Variants in TACC2 observed in about 807,000 individuals in gnomAD.
TACC2 encodes transforming acidic coiled-coil containing protein 2.
In TACC2, 137 loss-of-function variants were observed where a neutral mutation model predicts 227.3. The ratio of observed to expected loss-of-function variants is 0.60; its 90% CI spans 0.52 to 0.69. The LOEUF is 0.69. TACC2 is among the 30% of genes least tolerant of loss of function. The pLI, the probability that TACC2 is intolerant of heterozygous loss-of-function variation, is 0.00. For synonymous variants in TACC2, 1,523 were observed against 1,487.5 expected (o/e 1.02, Z -0.55); for missense variants, 3,470 against 3,694.4 (o/e 0.94, Z 1.57).
intron 2 of TACC2, among the ~76,000 whole-genome samples, chr10:122,034,109 G>A (rs1041353867): frequency 2.0e-4 from 29 of 144,222 alleles, no homozygotes; most frequent in African/African-American, 6.0e-4. Context: ...CCGAGACTGT[G>A]CCACTGCACT....
rs1433020020 is a variant in TACC2 at position 122,083,367 on chromosome 10, A to G, written c.867A>G (p.Glu289=). ...QDPAPRASDR[E]RGQGEAPPQY... is the part of the protein sequence containing the mutation. ...CAGCCCCAAGAGCCTCAGACAGAGAAAGAGGCCAAGGGGAGGCGCCGCCTC... is the reference window on the plus strand; with the variant it reads ...CAGCCCCAAGAGCCTCAGACAGAGAGAGAGGCCAAGGGGAGGCGCCGCCTC... The change falls in exon 4 of 23, where the codon GAA becomes GAG. Residue 289 remains glutamate, a synonymous_variant. Coordinates refer to ENST00000369005, the MANE Select transcript of TACC2 (RefSeq NM_206862.4). The G allele has an allele frequency of 1.2e-6, 2 of 1,613,934 alleles. No homozygotes were observed. The highest frequency in any genetic ancestry group is 2.2e-5 in the East Asian group (1 of 44,862).
Position 122,084,931 on chromosome 10 carries a change from G to A in TACC2, c.2431G>A (p.Glu811Lys). ...GCAGGGAATCCCATCCTGCCCAGGG[G>A]AAGGCTGGATAAGAGGAGCTGCATC... ...DQQGIPSCPG[E>K]GWIRGAASEW... The change falls in exon 4 of 23, where the codon GAA becomes AAA. Residue 811 changes from glutamate (E) to lysine (K), a missense_variant. Transcript: ENST00000369005. 1 of 1,614,150 alleles carries A rather than the reference G, an allele frequency of 6.2e-7. No individual in the cohort carries two copies.
chr10:122,077,542 T>G (rs2078953841), intron 3 of TACC2, among the ~76,000 whole-genome samples: 1 of 152,130 alleles, frequency 6.6e-6, no homozygotes, highest in Non-Finnish European at 1.5e-5. Flanking sequence ...GGGAGCTTCA[T>G]GCGGAATGAG....
At chr10:122,132,066 A>AAGAAAGAAAAAG (rs1555059146) in intron 5 of TACC2, among the ~76,000 whole-genome samples, 1 of 58,250 alleles carries the variant, frequency 1.7e-5, no homozygotes, top group African/African-American at 6.9e-5. Context: ...GAAAGAAAGA[A>AAGAAAGAAAAAG]AAAGAAAGAA....
chr10:122,154,702 A>G lies in TACC2; in HGVS notation c.5834+10996A>G, dbSNP rs114642190. On this transcript the variant is annotated intron_variant, in intron 7 of 22. Transcript: ENST00000369005. The stretch of plus-strand genomic sequence containing the variant: ...ATATTAATTGCAGCTGGCCACAGTT[A>G]GGCAGGGTGTAGAGGGAATTATACA... Among the ~76,000 whole-genome samples the G allele has an allele frequency of 2.4e-3, 363 of 152,358 alleles. 2 individuals carry two copies. Among genetic ancestry groups the G allele is most frequent in the African/African-American group, 7.1e-3 (294 of 41,584 alleles).
chr10:122,250,151 T>G (rs761336078), intron 22 of TACC2, among the ~76,000 whole-genome samples: 12 of 152,184 alleles, frequency 7.9e-5, no homozygotes, highest in Non-Finnish European at 1.3e-4. Flanking sequence ...TGCGCAGGTT[T>G]CCTCCTTTTG....
chr10:122,065,066 T>C (rs776760807), intron 3 of TACC2, among the ~76,000 whole-genome samples: 1 of 152,226 alleles, frequency 6.6e-6, no homozygotes, highest in Non-Finnish European at 1.5e-5. Context: ...GCTTATTTTA[T>C]ACACGGATAC....
At chr10:122,164,054 T>TA (rs1378113031) in intron 7 of TACC2, 1 of 1,540,198 alleles carries the variant, frequency 6.5e-7, no homozygotes, top group Non-Finnish European at 8.8e-7. Context: ...GCCCGGGCTT[T>TA]GTTAGTGTCG....
chr10:122,249,513 A>G (rs1359779386), intron 21 of TACC2, 31 bp from the exon 22 acceptor site: 1 of 1,608,888 alleles, frequency 6.2e-7, no homozygotes, highest in Admixed American at 1.7e-5. Context: ...TCCACAAAAG[A>G]GTGATAATTC....
At chr10:122,216,265 T>C (rs1445777072) in intron 10 of TACC2, among the ~76,000 whole-genome samples, 1 of 152,148 alleles carries the variant, frequency 6.6e-6, no homozygotes, top group African/African-American at 2.4e-5. Context: ...GAGATGCTTG[T>C]CAGGTGATTC....
At chr10:122,074,864 C>G (rs1471863820) in intron 3 of TACC2, among the ~76,000 whole-genome samples, 1 of 152,160 alleles carries the variant, frequency 6.6e-6, no homozygotes, top group Non-Finnish European at 1.5e-5. Flanking sequence ...TGAAAACCTT[C>G]TGGAGTTTCA....
In TACC2 at chr10:121,998,917, A is replaced by T. The variant is rs759175495; in HGVS notation, c.-46+9429A>T. ...GCATGTTAAGCAAGACTTCAGCCTG[A>T]AACATGTATTTCTCCCTGCTTGTGC... is the stretch of plus-strand genomic sequence containing the variant. On this transcript the variant is annotated intron_variant, in intron 1 of 22. Coordinates refer to ENST00000369005, the MANE Select transcript of TACC2 (RefSeq NM_206862.4). Among the ~76,000 whole-genome samples the T allele has an allele frequency of 7.9e-5, 12 of 152,316 alleles. No individual in the cohort carries two copies. The East Asian group carries it at 1.7e-3, about 22-fold the overall frequency.
chr10:122,239,033 C>T (rs2095921821), intron 18 of TACC2, among the ~76,000 whole-genome samples: 2 of 151,922 alleles, frequency 1.3e-5, no homozygotes, highest in African/African-American at 2.4e-5. Context: ...GACGGAGTTT[C>T]CCTCTTGTTG....
In TACC2 at chr10:122,132,494, AGCGGAGATC is replaced by A. The variant is rs533366257; in HGVS notation, c.5574-111_5574-103del. On this transcript the variant is annotated intron_variant, in intron 5 of 22. Transcript: ENST00000369005. Reference sequence around the variant, plus strand: ...TACCCTGGAGACAGAGTTTGCAGTGAGCGGAGATCGCGCCATTGCCCTCCAGCCTGGATA... The same window carrying A: ...TACCCTGGAGACAGAGTTTGCAGTGAGCGCCATTGCCCTCCAGCCTGGATA... The A allele has an allele frequency of 3.2e-3, 4,046 of 1,247,484 alleles. 14 individuals carry two copies. The highest frequency in any genetic ancestry group is 4.5e-3 in the Non-Finnish European group (3,866 of 866,920). 77.3% of individuals were successfully genotyped at this position (1,247,484 alleles called of 1,614,324 possible).
intron 1 of TACC2, among the ~76,000 whole-genome samples, chr10:122,021,244 G>C (rs1011750151): frequency 1.3e-5 from 2 of 150,758 alleles, no homozygotes; most frequent in Non-Finnish European, 3.0e-5. Context: ...AAAAAAGGCG[G>C]GGGGGAAGAA....
chr10:122,004,103 T>C (rs567256767), intron 1 of TACC2, among the ~76,000 whole-genome samples: 6 of 151,994 alleles, frequency 3.9e-5, no homozygotes, highest in African/African-American at 9.6e-5. Context: ...TCTGCTAAGA[T>C]GTAGGTGTAG....
At chr10:122,093,314 T>C (rs1299477825) in intron 5 of TACC2, among the ~76,000 whole-genome samples, 2 of 152,180 alleles carry the variant, frequency 1.3e-5, no homozygotes, top group East Asian at 3.9e-4. Flanking sequence ...AAAGCCTCAC[T>C]GGAGCCGCTT....
At chr10:121,997,755 C>G (rs143206589) in intron 1 of TACC2, among the ~76,000 whole-genome samples, 1 of 152,166 alleles carries the variant, frequency 6.6e-6, no homozygotes, top group African/African-American at 2.4e-5. Flanking sequence ...GGGTAGGGGA[C>G]AGCTCTGCTG....
intron 1 of TACC2, among the ~76,000 whole-genome samples, chr10:121,999,958 GAC>G (rs1462211826): frequency 1.3e-5 from 2 of 152,242 alleles, no homozygotes; most frequent in African/African-American, 4.8e-5. Context: ...GTAGTGGTCA[GAC>G]ACGTGGTCCT....
Sources: gnomAD v4.1 joint callset for allele counts (sites outside exome capture counted in the v4.1 genomes callset) on GRCh38, gnomAD v4.1.1 for gene constraint, MANE v1.5 for transcripts, NCBI Gene and HGNC (gene_info 2026-07-23, HGNC 2026-07-21) for gene names.